The following NRXN3 variants were observed in gnomAD, a reference collection of about 807,000 sequenced individuals.
NRXN3 encodes the protein neurexin 3.
In NRXN3, 32 loss-of-function variants were observed where a neutral mutation model predicts 137.6. That is an observed-to-expected ratio of 0.23 (90% CI 0.18 to 0.31). The LOEUF is 0.31. Among genes scored for constraint, NRXN3 ranks in the 10% least tolerant of loss-of-function variants. The pLI is 1.00. For synonymous variants in NRXN3, 798 were observed against 784.5 expected (o/e 1.02, Z -0.29); for missense variants, 1,574 against 2,062.5 (o/e 0.76, Z 4.59).
At position 79,845,759 on chromosome 14, in the gene NRXN3, AGG is replaced by A. The variant is rs1364112522; in HGVS notation, c.4094-15581_4094-15580del. 9.4e-5 allele frequency among the ~76,000 whole-genome samples: 8 copies of A among 85,324 alleles called. 1 individual carries two copies. The highest frequency in any genetic ancestry group is 3.5e-4 in the East Asian group (1 of 2,826). The allele number at this position is 85,324 out of a possible 152,430, so 56.0% of individuals were successfully genotyped here. ...GAGAGAGAGGGAGACGGGGAGAGAG[AGG>A]GAGACGGGGAGAGAGAGGGAGACGG... On this transcript the variant is annotated intron_variant, in intron 20 of 20. Transcript: ENST00000335750.
chr14:79,095,632 GTAC>G (rs1465973747), intron 15 of NRXN3, among the ~76,000 whole-genome samples: 1 of 148,758 alleles, frequency 6.7e-6, no homozygotes, highest in African/African-American at 2.4e-5. Context: ...GTGGGAAGAA[GTAC>G]TACCTATAAT....
intron 15 of NRXN3, among the ~76,000 whole-genome samples, chr14:79,336,775 A>G (rs1205684565): frequency 1.3e-5 from 2 of 152,176 alleles, no homozygotes; most frequent in South Asian, 2.1e-4. Flanking sequence ...TTGAAGCACT[A>G]TCTCAGTTGG....
chr14:78,532,191 C>T (rs1484746951), intron 4 of NRXN3, among the ~76,000 whole-genome samples: 1 of 149,860 alleles, frequency 6.7e-6, no homozygotes, highest in Non-Finnish European at 1.5e-5. Context: ...CGTGGTGGCA[C>T]ATGCCTGTAA....
At chr14:79,210,722 CAAT>C (rs1432046759) in intron 15 of NRXN3, among the ~76,000 whole-genome samples, 1 of 152,162 alleles carries the variant, frequency 6.6e-6, no homozygotes, top group African/African-American at 2.4e-5. Context: ...ATTGATGCAA[CAAT>C]GATGCTTGGA....
intron 16 of NRXN3, among the ~76,000 whole-genome samples, chr14:79,479,165 G>C (rs1004407083): frequency 6.6e-6 from 1 of 152,048 alleles, no homozygotes; most frequent in African/African-American, 2.4e-5. Flanking sequence ...TAGTACTTAG[G>C]TTACTAAACT....
At chr14:78,874,027 A>G (rs2099107793) in intron 10 of NRXN3, among the ~76,000 whole-genome samples, 1 of 147,850 alleles carries the variant, frequency 6.8e-6, no homozygotes, top group African/African-American at 2.6e-5. Flanking sequence ...GCTGAAGTGC[A>G]GTGGCACGAT....
At chr14:78,655,933 A>G (rs1194971774) in intron 6 of NRXN3, among the ~76,000 whole-genome samples, 2 of 152,124 alleles carry the variant, frequency 1.3e-5, no homozygotes, top group Non-Finnish European at 2.9e-5. Context: ...TCACATGGAA[A>G]AAAGAGGATA....
chr14:79,261,601 CTGTGTGTGTGTG>C (rs5809932), intron 15 of NRXN3, among the ~76,000 whole-genome samples: 24 of 59,214 alleles, frequency 4.1e-4, no homozygotes, highest in East Asian at 3.5e-3. Context: ...AAGAAAGGTG[CTGTGTGTGTGTG>C]TGTGTGTGTG....
intron 4 of NRXN3, among the ~76,000 whole-genome samples, chr14:78,641,421 G>A (rs868422621): frequency 2.0e-5 from 3 of 152,104 alleles, no homozygotes; most frequent in Admixed American, 6.5e-5. Flanking sequence ...GCAGTGAGTC[G>A]AGGTCGTGCC....
chr14:78,328,906 G>C (rs1452915205), intron 4 of NRXN3, among the ~76,000 whole-genome samples: 1 of 152,156 alleles, frequency 6.6e-6, no homozygotes, highest in Non-Finnish European at 1.5e-5. Context: ...AGGCTGCTGA[G>C]GAAGTGCAGC....
intron 16 of NRXN3, among the ~76,000 whole-genome samples, chr14:79,575,086 C>T (rs2097651939): frequency 6.6e-6 from 1 of 152,114 alleles, no homozygotes; most frequent in Non-Finnish European, 1.5e-5. Context: ...TTGTTGAAGT[C>T]ATGTTTTGGA....
At chr14:79,152,472 T>G (rs1011739688) in intron 15 of NRXN3, among the ~76,000 whole-genome samples, 4 of 152,008 alleles carry the variant, frequency 2.6e-5, no homozygotes, top group African/African-American at 9.7e-5. Flanking sequence ...TATTAGTCTG[T>G]TCTCACACTG....
rs202072015 is a variant in NRXN3 at position 78,924,240 on chromosome 14, AAAAC to A, written c.2276-32990_2276-32987del. On this transcript the variant is annotated intron_variant, in intron 10 of 20. Coordinates refer to ENST00000335750, the MANE Select transcript of NRXN3 (RefSeq NM_001330195.2). ...CTCCAGCCTGGGCACTCTGTCTCAA[AAAAC>A]AAACAAACAAAAAAACTTTAATACG... 7.3e-3 allele frequency among the ~76,000 whole-genome samples: 1,109 copies of A among 152,338 alleles called. 24 individuals are homozygous for A. The highest frequency in any genetic ancestry group is 0.025 in the African/African-American group (1,045 of 41,582).
At chr14:78,297,709 C>G in intron 3 of NRXN3, 122 bp from the exon 4 acceptor site, 2 of 762,236 alleles carry the variant, frequency 2.6e-6, no homozygotes, top group Non-Finnish European at 4.4e-6. Context: ...CGGCCCCTGT[C>G]ACTCCTTTTT....
chr14:79,659,440 T>C (rs1290999983), intron 16 of NRXN3, among the ~76,000 whole-genome samples: 4 of 152,286 alleles, frequency 2.6e-5, no homozygotes, highest in African/African-American at 4.8e-5. Flanking sequence ...AACTACCAAA[T>C]TGGGATAGGA....
chr14:78,949,524 A>G (rs2099382598), intron 10 of NRXN3, among the ~76,000 whole-genome samples: 1 of 152,066 alleles, frequency 6.6e-6, no homozygotes, highest in Non-Finnish European at 1.5e-5. Context: ...CTCTTGGTGC[A>G]ATGTGCCATG....
intron 16 of NRXN3, among the ~76,000 whole-genome samples, chr14:79,521,746 A>G (rs2153703613): frequency 6.6e-6 from 1 of 152,186 alleles, no homozygotes; most frequent in East Asian, 1.9e-4. Flanking sequence ...TCTGGTCTTC[A>G]GCATATTATT....
intron 4 of NRXN3, among the ~76,000 whole-genome samples, chr14:78,456,088 A>C (rs2153711002): frequency 6.6e-6 from 1 of 152,302 alleles, no homozygotes; most frequent in South Asian, 2.1e-4. Flanking sequence ...AAAGCCTGTC[A>C]ATGGCACTGT....
At chr14:79,597,229 C>T (rs1014353657) in intron 16 of NRXN3, among the ~76,000 whole-genome samples, 1 of 152,052 alleles carries the variant, frequency 6.6e-6, no homozygotes, top group African/African-American at 2.4e-5. Context: ...CATTTTTTTT[C>T]CTAGCAGAAA....
Sources: gnomAD v4.1 joint callset for allele counts (sites outside exome capture counted in the v4.1 genomes callset) on GRCh38, gnomAD v4.1.1 for gene constraint, MANE v1.5 for transcripts, NCBI Gene and HGNC (gene_info 2026-07-23, HGNC 2026-07-21) for gene names.